The following RAB3C variants were observed in gnomAD, a reference collection of about 807,000 sequenced individuals.
The protein encoded by RAB3C is ras-related protein Rab-3C.
Under a neutral mutation model 26.4 loss-of-function variants are expected in RAB3C, and 17 were observed. That is an observed-to-expected ratio of 0.64 (90% confidence interval 0.44 to 0.97). The LOEUF (loss-of-function observed/expected upper bound fraction) is 0.97, where lower values mean the gene tolerates loss of function less well. RAB3C is among the 50% of genes least tolerant of loss of function. The pLI, the probability that RAB3C is intolerant of heterozygous loss-of-function variation, is 0.00. For synonymous variants in RAB3C, 91 were observed against 95.9 expected (o/e 0.95, Z 0.30); for missense variants, 242 against 281.9 (o/e 0.86, Z 1.01).
Position 58,745,107 on chromosome 5 carries a change from G to A in RAB3C, c.371+18987G>A, listed in dbSNP as rs553297914. Among the ~76,000 whole-genome samples, 354 of 152,110 alleles carry A rather than the reference G, an allele frequency of 2.3e-3. 1 individual carries two copies. The highest frequency in any genetic ancestry group is 4.0e-3 in the South Asian group (19 of 4,804). ...TTCCCCGAGACCAACTGTTCAGAAA[G>A]TAGATGGGGGCCGGGCGCGGTGGCT... is the stretch of plus-strand genomic sequence containing the variant. On this transcript the variant is annotated intron_variant, in intron 3 of 4. Transcript: ENST00000282878.
intron 3 of RAB3C, among the ~76,000 whole-genome samples, chr5:58,794,779 C>T (rs1165179859): frequency 6.6e-6 from 1 of 152,162 alleles, no homozygotes; most frequent in Non-Finnish European, 1.5e-5. Context: ...GTTACTTTCT[C>T]AAATGATTCA....
At chr5:58,743,615 C>T (rs1481690059) in intron 3 of RAB3C, among the ~76,000 whole-genome samples, 5 of 152,018 alleles carry the variant, frequency 3.3e-5, no homozygotes, top group Admixed American at 6.5e-5. Context: ...TCCCTGTGTC[C>T]GTGTGTTCTC....
intron 2 of RAB3C, among the ~76,000 whole-genome samples, chr5:58,688,712 C>T (rs565712540): frequency 6.6e-6 from 1 of 151,984 alleles, no homozygotes; most frequent in African/African-American, 2.4e-5. Flanking sequence ...ATTTCTTTGG[C>T]CTTTGAATCT....
chr5:58,773,627 C>T (rs1411085849), intron 3 of RAB3C, among the ~76,000 whole-genome samples: 24 of 152,074 alleles, frequency 1.6e-4, no homozygotes, highest in Admixed American at 1.6e-3. Flanking sequence ...CACTGGGTAC[C>T]TTGATTGAGG....
chr5:58,798,142 G>A (rs144892144), intron 3 of RAB3C, among the ~76,000 whole-genome samples: 3 of 152,148 alleles, frequency 2.0e-5, no homozygotes, highest in African/African-American at 7.2e-5. Flanking sequence ...TAGGGAAAAT[G>A]ACACATAGAA....
intron 3 of RAB3C, among the ~76,000 whole-genome samples, chr5:58,769,304 T>C (rs1741977877): frequency 6.6e-6 from 1 of 152,112 alleles, no homozygotes; most frequent in East Asian, 1.9e-4. Context: ...TATTTGAGTA[T>C]GTAGTTCAGG....
At chr5:58,845,573 C>A in intron 4 of RAB3C, among the ~76,000 whole-genome samples, 1 of 113,658 alleles carries the variant, frequency 8.8e-6, no homozygotes, top group Non-Finnish European at 1.8e-5. Context: ...CATTCTCATT[C>A]ATTTAGGACA....
chr5:58,633,905 G>T (rs1668580130), intron 2 of RAB3C, among the ~76,000 whole-genome samples: 3 of 152,028 alleles, frequency 2.0e-5, no homozygotes, highest in Admixed American at 6.5e-5. Flanking sequence ...GGCCGAGGTG[G>T]GCGGATCATG....
intron 4 of RAB3C, among the ~76,000 whole-genome samples, chr5:58,847,842 A>G (rs1744036695): frequency 6.8e-6 from 1 of 147,158 alleles, no homozygotes; most frequent in African/African-American, 2.6e-5. Flanking sequence ...GAAGCACTTT[A>G]ATTTCCAGAA....
chr5:58,636,624 C>A (rs1747294534), intron 2 of RAB3C, among the ~76,000 whole-genome samples: 1 of 152,132 alleles, frequency 6.6e-6, no homozygotes, highest in Non-Finnish European at 1.5e-5. Flanking sequence ...ATGTTAATAT[C>A]ATTTTGCCAG....
chr5:58,668,915 C>A (rs558983521), intron 2 of RAB3C, among the ~76,000 whole-genome samples: 3 of 152,176 alleles, frequency 2.0e-5, no homozygotes, highest in African/African-American at 4.8e-5. Context: ...CTTGGAAGTC[C>A]AAGATCAAGG....
intron 3 of RAB3C, among the ~76,000 whole-genome samples, chr5:58,750,828 T>G (rs1741505940): frequency 6.6e-6 from 1 of 152,132 alleles, no homozygotes; most frequent in African/African-American, 2.4e-5. Flanking sequence ...GCTTCCTTCC[T>G]TCCTCCCTCC....
chr5:58,593,987 C>T (rs1158284303), intron 1 of RAB3C, among the ~76,000 whole-genome samples: 2 of 152,156 alleles, frequency 1.3e-5, no homozygotes, highest in Non-Finnish European at 2.9e-5. Flanking sequence ...GAATCATAGC[C>T]ACTTAGCTCC....
intron 2 of RAB3C, among the ~76,000 whole-genome samples, chr5:58,630,563 A>G (rs1747166855): frequency 1.3e-5 from 2 of 152,380 alleles, no homozygotes; most frequent in South Asian, 4.1e-4. Flanking sequence ...TATCTGGCTT[A>G]ATCAAAGACA....
At chr5:58,718,533 C>T (rs545894602) in intron 2 of RAB3C, among the ~76,000 whole-genome samples, 1 of 152,124 alleles carries the variant, frequency 6.6e-6, no homozygotes, top group Admixed American at 6.6e-5. Context: ...TATCCTTCTG[C>T]CTCAGGCTTA....
intron 3 of RAB3C, chr5:58,814,722 A>G (rs977125755): frequency 6.6e-6 from 1 of 152,120 alleles, no homozygotes; most frequent in Non-Finnish European, 1.5e-5. Context: ...TCCTTGCTTC[A>G]TCTAGTTACT....
chr5:58,786,855 G>T (rs1187760825), intron 3 of RAB3C, among the ~76,000 whole-genome samples: 1 of 149,078 alleles, frequency 6.7e-6, no homozygotes, highest in Non-Finnish European at 1.5e-5. Context: ...CCAGCCCCCC[G>T]CATAGGAAAG....
chr5:58,737,449 A>ATATATAT, intron 3 of RAB3C, among the ~76,000 whole-genome samples: 1 of 64,064 alleles, frequency 1.6e-5, no homozygotes, highest in Non-Finnish European at 3.1e-5. Context: ...ATATATATAT[A>ATATATAT]ATTTACTTGT....
chr5:58,752,825 A>G (rs1368534427), intron 3 of RAB3C, among the ~76,000 whole-genome samples: 1 of 152,146 alleles, frequency 6.6e-6, no homozygotes, highest in African/African-American at 2.4e-5. Context: ...TAATGTAATC[A>G]TATGCTAGCT....
Sources: allele counts gnomAD v4.1 joint callset (sites outside exome capture counted in the v4.1 genomes callset), GRCh38; gene constraint gnomAD v4.1.1; transcripts MANE v1.5; gene names NCBI Gene and HGNC (gene_info 2026-07-23, HGNC 2026-07-21).